The following CAPN3 variants were observed in gnomAD, a reference collection of about 807,000 sequenced individuals.
CAPN3 encodes calpain-3.
In CAPN3, 88 loss-of-function variants were observed where a neutral mutation model predicts 114.0. The ratio of observed to expected loss-of-function variants is 0.77; its 90% CI spans 0.65 to 0.92. CAPN3 has a LOEUF of 0.92. Among genes scored for constraint, CAPN3 ranks in the 40% least tolerant of loss-of-function variants. The pLI is 0.00. For missense variants in CAPN3, 1,028 were observed against 1,069.0 expected, an observed-to-expected ratio of 0.96 and a Z score of 0.53; for synonymous variants, 386 against 382.9, an observed-to-expected ratio of 1.01 and a Z score of -0.09.
chr15:42,400,213 GGACTGTGA>G (rs2053826117), intron 10 of CAPN3, among the ~76,000 whole-genome samples: 1 of 152,132 alleles, frequency 6.6e-6, no homozygotes, highest in African/African-American at 2.4e-5. Context: ...CCTAAGTCAG[GGACTGTGA>G]GTACTGTGTC....
At chr15:42,403,947 G>T in intron 14 of CAPN3, 170 bp downstream of exon 14, 2 of 726,266 alleles carry the variant, frequency 2.8e-6, no homozygotes, top group Non-Finnish European at 5.0e-6. Flanking sequence ...ATGGCCAGAA[G>T]TAATCGGCCT....
intron 9 of CAPN3, among the ~76,000 whole-genome samples, chr15:42,398,666 TATACACACACAC>T (rs1566979083): frequency 1.5e-5 from 2 of 136,034 alleles, no homozygotes; most frequent in African/African-American, 6.4e-5. Flanking sequence ...TACACACACA[TATACACACACAC>T]ACGTCTGTAT....
At chr15:42,371,604 T>C (rs553144638) in intron 1 of CAPN3, among the ~76,000 whole-genome samples, 210 of 152,296 alleles carry the variant, frequency 1.4e-3, no homozygotes, top group African/African-American at 4.9e-3. Flanking sequence ...ATACTAATCC[T>C]TTCTTGGTTA....
chr15:42,382,413 G>T (rs2053274423), intron 1 of CAPN3, among the ~76,000 whole-genome samples: 1 of 152,094 alleles, frequency 6.6e-6, no homozygotes. Context: ...CTGTCGCCCA[G>T]GCTGGAATGC....
At chr15:42,388,114 T>C (rs1404249577) in intron 4 of CAPN3, among the ~76,000 whole-genome samples, 1 of 152,232 alleles carries the variant, frequency 6.6e-6, no homozygotes. Context: ...AGAAGACCTT[T>C]AGCTTTAGCT....
intron 1 of CAPN3, among the ~76,000 whole-genome samples, chr15:42,368,799 C>T (rs527315295): frequency 1.0e-3 from 154 of 152,312 alleles, no homozygotes; most frequent in Non-Finnish European, 1.7e-3. Flanking sequence ...CACCTGCAGT[C>T]CCAGCATTTT....
intron 19 of CAPN3, 89 bp from the exon 20 acceptor site, chr15:42,410,339 G>A: frequency 8.7e-7 from 1 of 1,153,144 alleles, no homozygotes; most frequent in Admixed American, 1.7e-5. Flanking sequence ...CAGGGCAGTG[G>A]GTAGGACAGC....
intron 1 of CAPN3, 82 bp from the exon 2 acceptor site, chr15:42,384,401 A>C (rs1015948666): frequency 6.9e-6 from 7 of 1,016,796 alleles, no homozygotes; most frequent in Non-Finnish European, 1.1e-5. Flanking sequence ...ACAGAGTGAG[A>C]CTCCGTCTCA....
chr15:42,363,431 C>T (rs141195721), intron 1 of CAPN3, among the ~76,000 whole-genome samples: 2 of 152,214 alleles, frequency 1.3e-5, no homozygotes, highest in East Asian at 1.9e-4. Context: ...GAGGGCAGGT[C>T]GTGTTTCATT....
chr15:42,402,186 C>T (rs1463845327), intron 12 of CAPN3, 51 bp downstream of exon 12: 2 of 1,613,256 alleles, frequency 1.2e-6, no homozygotes, highest in African/African-American at 2.7e-5. Flanking sequence ...CCCAGGGGGC[C>T]CCGAGTCTGT....
At chr15:42,392,828 C>A in intron 7 of CAPN3, 106 bp downstream of exon 7, 1 of 795,576 alleles carries the variant, frequency 1.3e-6, no homozygotes, top group Non-Finnish European at 2.1e-6. Flanking sequence ...AGCTTGCCTC[C>A]AATCAGGACA....
intron 1 of CAPN3, among the ~76,000 whole-genome samples, chr15:42,375,415 A>G (rs1216138893): frequency 1.3e-5 from 2 of 152,074 alleles, no homozygotes; most frequent in Non-Finnish European, 2.9e-5. Context: ...TTATGGCGCA[A>G]CCGAGAAGCC....
chr15:42,410,118 TG>T, intron 19 of CAPN3, 123 bp downstream of exon 19: 2 of 892,754 alleles, frequency 2.2e-6, no homozygotes, highest in Non-Finnish European at 3.7e-6. Context: ...AAGGAGACCC[TG>T]ATTCAGAACA....
intron 1 of CAPN3, among the ~76,000 whole-genome samples, chr15:42,368,517 T>A (rs2052847553): frequency 6.6e-6 from 1 of 152,190 alleles, no homozygotes; most frequent in South Asian, 2.1e-4. Context: ...GAATCAATAT[T>A]AAATAAGGTG....
chr15:42,381,348 G>A (rs981789518), intron 1 of CAPN3, among the ~76,000 whole-genome samples: 1 of 152,052 alleles, frequency 6.6e-6, no homozygotes, highest in Non-Finnish European at 1.5e-5. Context: ...TTGTTTGTCT[G>A]ATTAAGCTGC....
chr15:42,404,189 G>A (rs979218909), intron 14 of CAPN3: 11 of 458,240 alleles, frequency 2.4e-5, no homozygotes, highest in Admixed American at 9.4e-5. Context: ...ACTTACCAGC[G>A]GGGTGACCTG....
chr15:42,364,898 G>A (rs1396252680), intron 1 of CAPN3, among the ~76,000 whole-genome samples: 1 of 152,202 alleles, frequency 6.6e-6, no homozygotes. Flanking sequence ...CTAGATCCCT[G>A]CTTCTTTTGG....
intron 1 of CAPN3, among the ~76,000 whole-genome samples, chr15:42,370,795 C>A (rs138427190): frequency 3.0e-4 from 46 of 152,246 alleles, no homozygotes; most frequent in African/African-American, 1.0e-3. Context: ...ATTCAGCGTC[C>A]TAGTAGGTGT....
chr15:42,377,293 A>C (rs2053115012), intron 1 of CAPN3, among the ~76,000 whole-genome samples: 1 of 152,170 alleles, frequency 6.6e-6, no homozygotes, highest in South Asian at 2.1e-4. Context: ...GTATGAAGTT[A>C]GCTGTTATTA....
Sources: allele counts gnomAD v4.1 joint callset (sites outside exome capture counted in the v4.1 genomes callset), GRCh38; gene constraint gnomAD v4.1.1; transcripts MANE v1.5; gene names NCBI Gene and HGNC (gene_info 2026-07-23, HGNC 2026-07-21).